The following CADPS variants were observed in gnomAD, a reference collection of about 807,000 sequenced individuals.
CADPS encodes calcium-dependent secretion activator 1.
Under a neutral mutation model 167.3 loss-of-function variants are expected in CADPS, and 57 were observed. The observed-to-expected ratio is 0.34, with a 90% confidence interval of 0.28 to 0.42. The LOEUF (loss-of-function observed/expected upper bound fraction) is 0.42. Among genes scored for constraint, CADPS ranks in the 20% least tolerant of loss-of-function variants. The probability of loss-of-function intolerance (pLI) is 1.00; values close to 1 mark genes in which losing one functional copy is unlikely to be tolerated. For synonymous variants in CADPS, 676 were observed against 635.3 expected (o/e 1.06, Z -0.96); for missense variants, 1,414 against 1,738.1 (o/e 0.81, Z 3.32).
intron 3 of CADPS, among the ~76,000 whole-genome samples, chr3:62,665,578 T>C (rs2074257062): frequency 6.6e-6 from 1 of 152,182 alleles, no homozygotes; most frequent in South Asian, 2.1e-4. Flanking sequence ...GACAGTTAAC[T>C]AGCTCAGCAA....
At chr3:62,401,223 A>C (rs1705986486) in intron 29 of CADPS, among the ~76,000 whole-genome samples, 1 of 152,168 alleles carries the variant, frequency 6.6e-6, no homozygotes, top group Admixed American at 6.5e-5. Context: ...AATTAACTTA[A>C]ATTTTTGTAC....
In CADPS at chr3:62,796,574, T is replaced by A. The variant is rs28583969; in HGVS notation, c.442-30590A>T. Among the ~76,000 whole-genome samples the A allele has an allele frequency of 9.6e-3, 1,469 of 152,240 alleles. 23 individuals carry two copies. The highest frequency in any genetic ancestry group is 0.033 in the African/African-American group (1,370 of 41,550). The stretch of plus-strand genomic sequence containing the variant: ...TGATGTCTTAAAAAGACATTAAAAA[T>A]TTTTCTGGAGAAGGCCTATAGCAGA... On this transcript the variant is annotated intron_variant, in intron 1 of 29. Transcript: ENST00000383710.
intron 28 of CADPS, among the ~76,000 whole-genome samples, chr3:62,432,172 G>A (rs1237657223): frequency 1.3e-5 from 2 of 152,082 alleles, no homozygotes. Context: ...GTAGTTCTAT[G>A]AGATGATAAG....
At chr3:62,777,279 T>C (rs1391568038) in intron 1 of CADPS, among the ~76,000 whole-genome samples, 2 of 152,218 alleles carry the variant, frequency 1.3e-5, no homozygotes, top group East Asian at 3.8e-4. Context: ...ATTCACAAAC[T>C]GTGACCATGA....
intron 9 of CADPS, among the ~76,000 whole-genome samples, chr3:62,569,450 G>A (rs1046279186): frequency 1.1e-4 from 16 of 152,156 alleles, no homozygotes; most frequent in Admixed American, 1.0e-3. Flanking sequence ...TGTTCTTTGC[G>A]GCTAAATCAC....
At chr3:62,561,868 C>T (rs1382863459) in intron 9 of CADPS, among the ~76,000 whole-genome samples, 1 of 152,140 alleles carries the variant, frequency 6.6e-6, no homozygotes, top group Non-Finnish European at 1.5e-5. Context: ...ACTCTGGTCA[C>T]CAGCCCTTGT....
intron 9 of CADPS, among the ~76,000 whole-genome samples, chr3:62,569,497 G>A (rs1396086984): frequency 6.6e-6 from 1 of 152,198 alleles, no homozygotes; most frequent in African/African-American, 2.4e-5. Flanking sequence ...AATACTGAAA[G>A]CAAAGATGAC....
At chr3:62,662,446 T>TA (rs1563517693) in intron 3 of CADPS, 52 bp from the exon 4 acceptor site, 2 of 1,501,366 alleles carry the variant, frequency 1.3e-6, no homozygotes, top group Middle Eastern at 1.7e-4. Flanking sequence ...CAAGTGCCAA[T>TA]AAACTCAGGA....
At chr3:62,659,639 C>A (rs1400542412) in intron 4 of CADPS, among the ~76,000 whole-genome samples, 1 of 152,204 alleles carries the variant, frequency 6.6e-6, no homozygotes, top group Non-Finnish European at 1.5e-5. Flanking sequence ...TGGAAGACAA[C>A]AGCCTTGCTG....
chr3:62,434,829 G>A (rs900069654), intron 28 of CADPS, among the ~76,000 whole-genome samples: 1 of 152,072 alleles, frequency 6.6e-6, no homozygotes, highest in Non-Finnish European at 1.5e-5. Context: ...TTTTCTACAA[G>A]GGCACACTCA....
intron 27 of CADPS, chr3:62,440,143 A>G (rs2056009102): frequency 6.6e-6 from 1 of 152,204 alleles, no homozygotes; most frequent in South Asian, 2.1e-4. Context: ...AGCATACAAA[A>G]TGGTACCTAG....
Position 62,701,049 on chromosome 3 carries a change from C to T in CADPS, c.889-38655G>A, listed in dbSNP as rs915389949. On this transcript the variant is annotated intron_variant, in intron 3 of 29. Coordinates refer to ENST00000383710, the MANE Select transcript of CADPS (RefSeq NM_003716.4). Reference sequence around the variant, plus strand: ...CTCTCTGGGGTCTCTCAGAAGGGCACCAATCCCATTCATGAGGGCTCTATT... The same window carrying T: ...CTCTCTGGGGTCTCTCAGAAGGGCATCAATCCCATTCATGAGGGCTCTATT... Among the ~76,000 whole-genome samples the T allele has an allele frequency of 2.0e-5, 3 of 151,998 alleles. No homozygotes were observed. In the East Asian group the frequency reaches 5.8e-4, roughly 29 times the overall value.
chr3:62,756,770 C>T (rs1305333148), intron 2 of CADPS, among the ~76,000 whole-genome samples: 1 of 152,052 alleles, frequency 6.6e-6, no homozygotes, highest in Non-Finnish European at 1.5e-5. Flanking sequence ...AGAGAAGGAA[C>T]AATACGTGTG....
chr3:62,484,054 T>TA (rs913774444), intron 21 of CADPS, among the ~76,000 whole-genome samples: 14 of 151,736 alleles, frequency 9.2e-5, no homozygotes, highest in Non-Finnish European at 1.5e-4. Context: ...CACACAAAAA[T>TA]AAAAAAAATA....
chr3:62,668,100 C>T (rs546247269), intron 3 of CADPS, among the ~76,000 whole-genome samples: 1 of 152,332 alleles, frequency 6.6e-6, no homozygotes, highest in East Asian at 1.9e-4. Flanking sequence ...ATCAGTGTCG[C>T]TGCCAAGAGG....
chr3:62,511,699 G>A (rs1371631730), intron 17 of CADPS, among the ~76,000 whole-genome samples: 3 of 151,944 alleles, frequency 2.0e-5, no homozygotes, highest in African/African-American at 4.8e-5. Flanking sequence ...AGACTTCCAT[G>A]GTTTTCTGAC....
intron 1 of CADPS, among the ~76,000 whole-genome samples, chr3:62,802,339 G>A (rs1156904497): frequency 6.6e-6 from 1 of 152,130 alleles, no homozygotes; most frequent in African/African-American, 2.4e-5. Context: ...CTGGCTCTTT[G>A]TAAATGTTGT....
intron 1 of CADPS, chr3:62,796,406 T>C (rs1459381153): frequency 6.6e-6 from 1 of 152,174 alleles, no homozygotes; most frequent in East Asian, 1.9e-4. Flanking sequence ...AGTCACAAGC[T>C]ACCATGCTGT....
chr3:62,673,828 G>T (rs2075933649), intron 3 of CADPS, among the ~76,000 whole-genome samples: 1 of 152,168 alleles, frequency 6.6e-6, no homozygotes, highest in African/African-American at 2.4e-5. Context: ...TATGGGAAAT[G>T]AAATGCCTTT....
Sources: allele counts gnomAD v4.1 joint callset (sites outside exome capture counted in the v4.1 genomes callset), GRCh38; gene constraint gnomAD v4.1.1; transcripts MANE v1.5; gene names NCBI Gene and HGNC (gene_info 2026-07-23, HGNC 2026-07-21).